DNER: variants seen among roughly 807,000 people sequenced by gnomAD.
DNER encodes the protein delta/notch like EGF repeat containing.
DNER carries 33 observed loss-of-function variants against 78.2 expected under a neutral mutation model. The observed-to-expected ratio is 0.42, with a 90% CI of 0.32 to 0.56. The LOEUF is 0.56. DNER is among the 20% of genes least tolerant of loss of function. The probability of loss-of-function intolerance (pLI) is 0.11; values close to 1 mark genes in which losing one functional copy is unlikely to be tolerated. For missense variants in DNER, 918 were observed against 975.3 expected (o/e 0.94, Z 0.78); for synonymous variants, 417 against 384.8 (o/e 1.08, Z -0.98).
intron 11 of DNER, among the ~76,000 whole-genome samples, chr2:229,368,375 A>AAC (rs1398925006): frequency 3.3e-5 from 5 of 152,038 alleles, no homozygotes; most frequent in Non-Finnish European, 7.4e-5. Context: ...AAGAAGAAAA[A>AAC]ACACACACAC....
Position 229,550,427 on chromosome 2 carries a change from C to G in DNER, c.848-3335G>C, listed in dbSNP as rs1696711016. Among the ~76,000 whole-genome samples the G allele has an allele frequency of 2.0e-5, 3 of 152,232 alleles. No homozygotes were observed. The South Asian group carries it at 6.2e-4, about 32-fold the overall frequency. On this transcript the variant is annotated intron_variant, in intron 4 of 12. Transcript: ENST00000341772. ...TCCAGAAATCTAGAATACACAGTCC[C>G]AAAATGACTTTGTGGTCACCTTCTC... is the stretch of plus-strand genomic sequence containing the variant.
intron 1 of DNER, among the ~76,000 whole-genome samples, chr2:229,674,795 C>A (rs1054300682): frequency 6.6e-6 from 1 of 152,178 alleles, no homozygotes; most frequent in African/African-American, 2.4e-5. Flanking sequence ...CTGTTGAACT[C>A]CATTTGGCCA....
At chr2:229,394,925 T>C (rs1466237618) in intron 10 of DNER, among the ~76,000 whole-genome samples, 2 of 152,324 alleles carry the variant, frequency 1.3e-5, no homozygotes, top group African/African-American at 4.8e-5. Context: ...TGTCTGTCCC[T>C]CCTTCCTCTT....
rs759084004 is a variant in DNER at position 229,407,312 on chromosome 2, G to A, written c.1643C>T (p.Ala548Val). ...GGCTCCGTTCAGACAGCTGACGTTA[G>A]CGCAGGGATCCTTGTACAATTCACA... Reference protein sequence around the residue: ...THCELYKDPCANVSCLNGATC... With the variant: ...THCELYKDPCVNVSCLNGATC... Residue 548 changes from alanine (A) to valine (V), a missense_variant, in exon 10 of 13, where the codon GCT becomes GTT. Coordinates refer to ENST00000341772, the MANE Select transcript of DNER (RefSeq NM_139072.4). 1.2e-5 allele frequency: 19 copies of A among 1,613,856 alleles called. No homozygotes were observed. Among genetic ancestry groups the A allele is most frequent in the African/African-American group, 5.3e-5 (4 of 74,926 alleles).
intron 1 of DNER, among the ~76,000 whole-genome samples, chr2:229,649,445 C>A (rs1389077197): frequency 1.3e-5 from 2 of 152,138 alleles, no homozygotes; most frequent in East Asian, 3.9e-4. Context: ...TGTTTAACAA[C>A]CAACTCTAGG....
intron 7 of DNER, among the ~76,000 whole-genome samples, chr2:229,475,808 G>A (rs189656490): frequency 3.2e-4 from 48 of 152,266 alleles, no homozygotes; most frequent in African/African-American, 1.2e-3. Flanking sequence ...AGTTCTTAAA[G>A]CACTTTCACA....
At chr2:229,512,054 A>G (rs1274840900) in intron 6 of DNER, among the ~76,000 whole-genome samples, 1 of 152,200 alleles carries the variant, frequency 6.6e-6, no homozygotes, top group African/African-American at 2.4e-5. Flanking sequence ...AAACTGTGGT[A>G]TATATATACG....
intron 11 of DNER, among the ~76,000 whole-genome samples, chr2:229,378,432 T>C (rs576339507): frequency 6.6e-6 from 1 of 152,272 alleles, no homozygotes; most frequent in Non-Finnish European, 1.5e-5. Flanking sequence ...GTGAAGGTCC[T>C]GAAGGCAGGG....
chr2:229,682,971 G>A (rs1288310138), intron 1 of DNER, among the ~76,000 whole-genome samples: 1 of 152,180 alleles, frequency 6.6e-6, no homozygotes, highest in African/African-American at 2.4e-5. Flanking sequence ...CAACTGTAAA[G>A]ATGGACAAAA....
chr2:229,480,404 A>G (rs1695131952), intron 6 of DNER, among the ~76,000 whole-genome samples: 1 of 152,202 alleles, frequency 6.6e-6, no homozygotes. Context: ...ATTTCATTCC[A>G]TTTACAAATT....
At chr2:229,669,369 CATATATAT>C (rs58371383) in intron 1 of DNER, among the ~76,000 whole-genome samples, 1 of 144,748 alleles carries the variant, frequency 6.9e-6, no homozygotes, top group Non-Finnish European at 1.5e-5. Context: ...TGTATACATA[CATATATAT>C]ATATATATAT....
At chr2:229,365,373 G>A (rs569894514) in intron 12 of DNER, among the ~76,000 whole-genome samples, 6 of 152,268 alleles carry the variant, frequency 3.9e-5, no homozygotes, top group East Asian at 1.9e-4. Context: ...GAAACAAGAC[G>A]GAGATGAAAA....
intron 1 of DNER, among the ~76,000 whole-genome samples, chr2:229,705,810 T>C (rs1442958844): frequency 1.3e-5 from 2 of 152,176 alleles, no homozygotes; most frequent in African/African-American, 4.8e-5. Context: ...CTGTCAATGA[T>C]TGAGGAAACG....
At position 229,357,725 on chromosome 2, in the gene DNER, G is replaced by A. The variant is rs1445952348; in HGVS notation, c.*815C>T. The A allele has an allele frequency of 6.6e-6, 1 of 152,176 alleles. No homozygotes were observed. The highest frequency in any genetic ancestry group is 2.4e-5 in the African/African-American group (1 of 41,434). The allele number at this position is 152,176 out of a possible 1,614,324, so 9.4% of individuals were successfully genotyped here. A position where few individuals can be genotyped will look rare whatever the true frequency, so the allele number is the denominator to read the frequency against. Reference sequence around the variant, plus strand: ...AATACAGCCACAAAAACATCCTGGAGATAAATAAAGCTGCACTATGAGAAA... The same window carrying A: ...AATACAGCCACAAAAACATCCTGGAAATAAATAAAGCTGCACTATGAGAAA... On this transcript the variant is annotated 3_prime_UTR_variant, in exon 13 of 13. Coordinates refer to ENST00000341772, the MANE Select transcript of DNER (RefSeq NM_139072.4).
intron 12 of DNER, among the ~76,000 whole-genome samples, chr2:229,365,583 C>A (rs1302879054): frequency 1.3e-5 from 2 of 152,158 alleles, no homozygotes; most frequent in Non-Finnish European, 2.9e-5. Flanking sequence ...ATTACAGGCA[C>A]CCGCCACCAT....
rs548893057 is a variant in DNER at position 229,416,952 on chromosome 2, A to G, written c.1609+1156T>C. Among the ~76,000 whole-genome samples, 9 of 152,312 alleles carry G rather than the reference A, an allele frequency of 5.9e-5. No homozygotes were observed. The East Asian group carries it at 1.5e-3, about 26-fold the overall frequency. On this transcript the variant is annotated intron_variant, in intron 9 of 12. Transcript: ENST00000341772. ...ACATGGAAAGGAGCAAGGGGAAAGA[A>G]GGAGGTTGAAGATATGTAGAGAGAA...
At chr2:229,427,007 T>C (rs1200135903) in intron 8 of DNER, among the ~76,000 whole-genome samples, 2 of 152,230 alleles carry the variant, frequency 1.3e-5, no homozygotes, top group South Asian at 2.1e-4. Flanking sequence ...TTATTGCTCA[T>C]GGCAACTAAG....
chr2:229,699,365 C>G (rs1699708805), intron 1 of DNER, among the ~76,000 whole-genome samples: 1 of 152,154 alleles, frequency 6.6e-6, no homozygotes, highest in East Asian at 1.9e-4. Flanking sequence ...TTTAATTGTA[C>G]TTTTTTTGTT....
intron 1 of DNER, among the ~76,000 whole-genome samples, chr2:229,694,591 G>A (rs527793613): frequency 1.6e-4 from 25 of 152,344 alleles, no homozygotes; most frequent in South Asian, 4.1e-4. Context: ...AGTCAAAGGA[G>A]ATCATTTTGG....
Sources: gnomAD v4.1 joint callset for allele counts (sites outside exome capture counted in the v4.1 genomes callset) on GRCh38, gnomAD v4.1.1 for gene constraint, MANE v1.5 for transcripts, NCBI Gene and HGNC (gene_info 2026-07-23, HGNC 2026-07-21) for gene names.